CRPPA: variants seen among roughly 807,000 people sequenced by gnomAD.
CRPPA encodes CDP-L-ribitol pyrophosphorylase A, also known as D-ribitol-5-phosphate cytidylyltransferase.
In CRPPA, 43 loss-of-function variants were observed where a neutral mutation model predicts 52.0. The ratio of observed to expected loss-of-function variants is 0.83; its 90% CI spans 0.65 to 1.07. CRPPA has a LOEUF of 1.07. Ranked by LOEUF, CRPPA falls within the 50% of genes least tolerant of loss-of-function variation. The probability of loss-of-function intolerance (pLI) is 0.00; values close to 1 mark genes in which losing one functional copy is unlikely to be tolerated. For missense variants in CRPPA, 629 were observed against 551.7 expected, an observed-to-expected ratio of 1.14 and a Z score of -1.40; for synonymous variants, 250 against 203.5, an observed-to-expected ratio of 1.23 and a Z score of -1.94.
chr7:16,406,121 C>T lies in CRPPA; in HGVS notation c.474G>A (p.Val158=). The change falls in exon 2 of 10, where the codon GTG becomes GTA. Residue 158 remains valine, a synonymous_variant. Transcript: ENST00000407010. ...GGACACCTTCCTCAACAAATGGTCT[C>T]ACAGCATCATGGATAATCACTACTT... The part of the protein sequence containing the change: ...KPEVVIIHDA[V]RPFVEEGVLL... 6.2e-7 allele frequency: 1 copy of T among 1,613,892 alleles called. No individual in the cohort carries two copies. Among genetic ancestry groups the T allele is most frequent in the Non-Finnish European group, 8.5e-7 (1 of 1,179,862 alleles).
intron 9 of CRPPA, among the ~76,000 whole-genome samples, chr7:16,150,428 A>G (rs1783055021): frequency 6.6e-6 from 1 of 152,208 alleles, no homozygotes; most frequent in South Asian, 2.1e-4. Flanking sequence ...GGGATAAATC[A>G]TCATTTTGAG....
chr7:16,274,410 C>T (rs1248494672), intron 6 of CRPPA, among the ~76,000 whole-genome samples: 1 of 152,080 alleles, frequency 6.6e-6, no homozygotes, highest in South Asian at 2.1e-4. Context: ...GGTTTTTAAA[C>T]TTTTAATTCT....
chr7:16,260,293 G>T (rs1421792897), intron 6 of CRPPA, among the ~76,000 whole-genome samples: 1 of 151,664 alleles, frequency 6.6e-6, no homozygotes, highest in Non-Finnish European at 1.5e-5. Context: ...TTTCCAGTAA[G>T]ATGGGGACAT....
intron 5 of CRPPA, among the ~76,000 whole-genome samples, chr7:16,294,723 C>T (rs1450460557): frequency 6.6e-6 from 1 of 151,960 alleles, no homozygotes; most frequent in Non-Finnish European, 1.5e-5. Flanking sequence ...TTACTATATA[C>T]ATAATCTTAG....
chr7:16,212,685 G>A (rs1782182692), intron 9 of CRPPA, among the ~76,000 whole-genome samples: 1 of 152,182 alleles, frequency 6.6e-6, no homozygotes, highest in African/African-American at 2.4e-5. Flanking sequence ...TCTGGACACA[G>A]CCAGCACCAC....
At chr7:16,286,200 C>T (rs1784445428) in intron 5 of CRPPA, among the ~76,000 whole-genome samples, 1 of 146,914 alleles carries the variant, frequency 6.8e-6, no homozygotes, top group South Asian at 2.2e-4. Flanking sequence ...CACAGGGTGC[C>T]CAGATATTTG....
At chr7:16,372,943 A>G (rs941759285) in intron 3 of CRPPA, among the ~76,000 whole-genome samples, 1 of 152,230 alleles carries the variant, frequency 6.6e-6, no homozygotes, top group African/African-American at 2.4e-5. Context: ...CTTTAAGATT[A>G]TAAGATTATC....
At chr7:16,307,923 A>G (rs1225943199) in intron 4 of CRPPA, among the ~76,000 whole-genome samples, 1 of 151,742 alleles carries the variant, frequency 6.6e-6, no homozygotes, top group African/African-American at 2.4e-5. Flanking sequence ...AAGAAAAAAA[A>G]AAAAAAAAAA....
chr7:16,208,677 T>A (rs12672856), intron 9 of CRPPA, among the ~76,000 whole-genome samples: 3 of 151,990 alleles, frequency 2.0e-5, no homozygotes, highest in Non-Finnish European at 4.4e-5. Flanking sequence ...GGCTAATTCA[T>A]CTTAAAAATT....
intron 2 of CRPPA, among the ~76,000 whole-genome samples, chr7:16,388,617 G>C (rs543471433): frequency 6.6e-6 from 1 of 152,328 alleles, no homozygotes; most frequent in East Asian, 1.9e-4. Flanking sequence ...GCTCATGCCT[G>C]TAATCCCAGC....
chr7:16,280,785 C>T (rs551224418), intron 5 of CRPPA, among the ~76,000 whole-genome samples: 1 of 152,096 alleles, frequency 6.6e-6, no homozygotes, highest in Non-Finnish European at 1.5e-5. Flanking sequence ...CTTTGGGAGG[C>T]CAAGGTGGAA....
chr7:16,236,611 TC>T (rs1366007654), intron 8 of CRPPA, among the ~76,000 whole-genome samples: 1 of 152,126 alleles, frequency 6.6e-6, no homozygotes, highest in African/African-American at 2.4e-5. Context: ...GCAAAAGTAA[TC>T]TATTTTTAGG....
At chr7:16,302,209 T>C (rs969783711) in intron 4 of CRPPA, among the ~76,000 whole-genome samples, 1 of 139,106 alleles carries the variant, frequency 7.2e-6, no homozygotes, top group Non-Finnish European at 1.5e-5. Context: ...GGCAGGAGAA[T>C]GGCGTGAACC....
At chr7:16,208,126 A>G (rs1433019316) in intron 9 of CRPPA, among the ~76,000 whole-genome samples, 1 of 152,220 alleles carries the variant, frequency 6.6e-6, no homozygotes, top group African/African-American at 2.4e-5. Flanking sequence ...ACCTGAATCA[A>G]AATAATATAG....
At chr7:16,100,283 T>C (rs912034510) in intron 9 of CRPPA, among the ~76,000 whole-genome samples, 2 of 152,208 alleles carry the variant, frequency 1.3e-5, no homozygotes, top group African/African-American at 2.4e-5. Flanking sequence ...ATCTATTTTT[T>C]ATTGCATATC....
intron 6 of CRPPA, among the ~76,000 whole-genome samples, chr7:16,272,821 A>T (rs1425998948): frequency 6.6e-6 from 1 of 152,142 alleles, no homozygotes; most frequent in African/African-American, 2.4e-5. Flanking sequence ...TATATTCACT[A>T]TTGACATGAC....
chr7:16,148,004 C>T (rs566973863), intron 9 of CRPPA, among the ~76,000 whole-genome samples: 1 of 152,188 alleles, frequency 6.6e-6, no homozygotes, highest in South Asian at 2.1e-4. Context: ...TTCTTAATCA[C>T]CTCAAACTAT....
At chr7:16,285,982 T>G (rs1283737380) in intron 5 of CRPPA, among the ~76,000 whole-genome samples, 1 of 110,964 alleles carries the variant, frequency 9.0e-6, no homozygotes, top group Non-Finnish European at 1.8e-5. Context: ...ATTGCACCAC[T>G]GCACTCCAGC....
Position 16,089,274 on chromosome 7 carries a change from A to T in CRPPA, c.*2421T>A, listed in dbSNP as rs1156298063. ...TGTGTGTATGCGTACGTATATACAT[A>T]TATGTGTGTATGCGTACGTATATAC... On this transcript the variant is annotated 3_prime_UTR_variant, in exon 10 of 10. Transcript: ENST00000407010. 1.9e-5 allele frequency: 7 copies of T among 365,556 alleles called. No individual in the cohort carries two copies. Among genetic ancestry groups the T allele is most frequent in the Non-Finnish European group, 3.4e-5 (6 of 176,434 alleles). 22.6% of individuals were successfully genotyped at this position (365,556 alleles called of 1,614,324 possible).
Sources: gnomAD v4.1 joint callset for allele counts (sites outside exome capture counted in the v4.1 genomes callset) on GRCh38, gnomAD v4.1.1 for gene constraint, MANE v1.5 for transcripts, NCBI Gene and HGNC (gene_info 2026-07-23, HGNC 2026-07-21) for gene names.